DNA2: variants seen among roughly 807,000 people sequenced by gnomAD.
DNA2 encodes the protein DNA replication ATP-dependent helicase/nuclease DNA2.
In DNA2, 101 loss-of-function variants were observed where a neutral mutation model predicts 119.1. The ratio of observed to expected loss-of-function variants is 0.85; its 90% CI spans 0.72 to 1.00. DNA2 has a LOEUF of 1.00. Ranked by LOEUF, DNA2 falls within the 50% of genes least tolerant of loss-of-function variation. The pLI is 0.00. For missense variants in DNA2, 1,121 were observed against 1,255.5 expected (o/e 0.89, Z 1.62); for synonymous variants, 366 against 424.4 (o/e 0.86, Z 1.69).
At chr10:68,467,796 T>C (rs949165340) in intron 3 of DNA2, among the ~76,000 whole-genome samples, 1 of 152,146 alleles carries the variant, frequency 6.6e-6, no homozygotes, top group Non-Finnish European at 1.5e-5. Context: ...GAAGCCAACT[T>C]TGGAAATGTC....
chr10:68,427,307 GA>G (rs1409358188), intron 14 of DNA2, among the ~76,000 whole-genome samples: 4 of 151,536 alleles, frequency 2.6e-5, no homozygotes, highest in Non-Finnish European at 5.9e-5. Context: ...GCAGTAAGCC[GA>G]GTTCACACCA....
At chr10:68,452,271 CAG>C (rs1224010645) in intron 5 of DNA2, among the ~76,000 whole-genome samples, 3 of 151,896 alleles carry the variant, frequency 2.0e-5, no homozygotes, top group Non-Finnish European at 4.4e-5. Flanking sequence ...TTTGCAGAGA[CAG>C]AGTCTACAAA....
chr10:68,428,132 C>A (rs995356597), intron 14 of DNA2, among the ~76,000 whole-genome samples: 4 of 151,770 alleles, frequency 2.6e-5, no homozygotes, highest in Non-Finnish European at 5.9e-5. Context: ...TTGAGACCAT[C>A]CTGGCTAACA....
chr10:68,467,417 C>A (rs780519706), intron 3 of DNA2, among the ~76,000 whole-genome samples: 3 of 147,520 alleles, frequency 2.0e-5, no homozygotes, highest in Non-Finnish European at 4.5e-5. Context: ...CCCCAAAATA[C>A]GTTTTTTTTT....
chr10:68,457,133 CAAA>C (rs113503197), intron 5 of DNA2, among the ~76,000 whole-genome samples: 1 of 119,240 alleles, frequency 8.4e-6, no homozygotes, highest in Non-Finnish European at 1.8e-5. Flanking sequence ...GACTCCATCT[CAAA>C]AAAAAAAAAA....
chr10:68,443,698 T>C (rs971416358), intron 8 of DNA2, among the ~76,000 whole-genome samples: 4 of 152,146 alleles, frequency 2.6e-5, no homozygotes, highest in African/African-American at 9.6e-5. Flanking sequence ...CCTATAATTC[T>C]AGCATTTTGG....
rs748830727 is a variant in DNA2 at position 68,432,453 on chromosome 10, A to G, written c.1704T>C (p.Asn568=). 5 of 1,591,124 alleles carry G rather than the reference A, an allele frequency of 3.1e-6. No homozygotes were observed. The highest frequency in any genetic ancestry group is 2.2e-5 in the East Asian group (1 of 44,522). ...TTCCTAATGGGGTATCTATATCACA[A>G]TTTTTTTCTTCTTGGTCTAATCTGA... ...TLFRLDQEEK[N]CDIDTPLGNL... is the part of the protein sequence containing the mutation. Residue 568 remains asparagine, a synonymous_variant, in exon 11 of 21, where the codon AAT becomes AAC. Transcript: ENST00000358410.
At chr10:68,427,650 AACACACACACAC>A (rs151180015) in intron 14 of DNA2, among the ~76,000 whole-genome samples, 1 of 140,144 alleles carries the variant, frequency 7.1e-6, no homozygotes, top group Non-Finnish European at 1.6e-5. Context: ...CCTTGTCTCA[AACACACACACAC>A]ACACACACAC....
chr10:68,455,257 G>A (rs1049414848), intron 5 of DNA2, among the ~76,000 whole-genome samples: 13 of 151,970 alleles, frequency 8.6e-5, no homozygotes, highest in Middle Eastern at 3.2e-3. Flanking sequence ...AACTTTCTTA[G>A]TGTTACAGAA....
At chr10:68,435,057 T>C (rs975184380) in intron 10 of DNA2, among the ~76,000 whole-genome samples, 1 of 152,150 alleles carries the variant, frequency 6.6e-6, no homozygotes, top group Non-Finnish European at 1.5e-5. Flanking sequence ...CACAATTTTT[T>C]TTTTTTCTTT....
intron 6 of DNA2, among the ~76,000 whole-genome samples, chr10:68,448,983 G>A (rs2052081950): frequency 7.1e-6 from 1 of 141,360 alleles, no homozygotes; most frequent in African/African-American, 3.0e-5. Context: ...GTGTGTGTGT[G>A]TGTAGTAGTT....
chr10:68,460,908 T>TA (rs34510623), intron 4 of DNA2, among the ~76,000 whole-genome samples: 27,423 of 143,268 alleles, frequency 0.19, 3,228 homozygotes, highest in African/African-American at 0.34. Context: ...AGACCCTGTT[T>TA]AAAAAAAAAA....
intron 13 of DNA2, 24 bp from the exon 14 acceptor site, chr10:68,430,684 G>GA (rs771961889): frequency 1.4e-6 from 2 of 1,449,840 alleles, no homozygotes; most frequent in East Asian, 2.4e-5. Flanking sequence ...AGAGAAAAAA[G>GA]AAAAAACAGC....
In DNA2 at chr10:68,442,948, G is replaced by A; in HGVS notation, c.1384C>T (p.Gln462Ter). ...GAAGCAGGCATTAGCCAGATATTTT[G>A]GTGATTCTTTTTATTATCCTTCGAT... Reference protein sequence around the residue: ...SQSKDNKKNHQNIWLMPASEM... With the variant: ...SQSKDNKKNH The change falls in exon 9 of 21, where the codon CAA becomes TAA. Residue 462 changes from glutamine (Q) to a stop codon, truncating the protein, a stop_gained. Coordinates refer to ENST00000358410, the MANE Select transcript of DNA2 (RefSeq NM_001080449.3). LOFTEE classifies it high-confidence loss of function. 6.2e-7 allele frequency: 1 copy of A among 1,612,604 alleles called. No homozygotes were observed. The highest frequency in any genetic ancestry group is 1.7e-4 in the Middle Eastern group (1 of 6,056).
intron 4 of DNA2, among the ~76,000 whole-genome samples, chr10:68,463,443 CAAAAAA>C (rs35470662): frequency 1.7e-5 from 1 of 59,458 alleles, no homozygotes; most frequent in Non-Finnish European, 3.3e-5. Context: ...GACTCCATCT[CAAAAAA>C]AAAAAAAAAA....
intron 14 of DNA2, chr10:68,425,015 A>C (rs904354721): frequency 7.8e-6 from 4 of 511,022 alleles, no homozygotes; most frequent in Non-Finnish European, 1.5e-5. Flanking sequence ...CTGTTGTGCA[A>C]CCATGGTTTA....
At chr10:68,433,968 T>C (rs1185270785) in intron 10 of DNA2, among the ~76,000 whole-genome samples, 2 of 152,190 alleles carry the variant, frequency 1.3e-5, no homozygotes, top group East Asian at 3.9e-4. Flanking sequence ...AGATTCAGAA[T>C]TAGCTCTTCG....
intron 6 of DNA2, among the ~76,000 whole-genome samples, chr10:68,448,819 C>T (rs922703852): frequency 2.3e-5 from 3 of 132,160 alleles, no homozygotes; most frequent in African/African-American, 1.0e-4. Flanking sequence ...GCTCTGTCAC[C>T]CCGGCTGGGG....
At chr10:68,424,023 T>A (rs1012217171) in intron 14 of DNA2, among the ~76,000 whole-genome samples, 1 of 152,148 alleles carries the variant, frequency 6.6e-6, no homozygotes, top group African/African-American at 2.4e-5. Context: ...TGAAAACAGA[T>A]GACAATCTAT....
Sources: allele counts gnomAD v4.1 joint callset (sites outside exome capture counted in the v4.1 genomes callset), GRCh38; gene constraint gnomAD v4.1.1; transcripts MANE v1.5; gene names NCBI Gene and HGNC (gene_info 2026-07-23, HGNC 2026-07-21).